The following TNPO3 variants were observed in gnomAD, a reference collection of about 807,000 sequenced individuals.
The protein encoded by TNPO3 is transportin-3.
Under a neutral mutation model 122.8 loss-of-function variants are expected in TNPO3, and 65 were observed. The ratio of observed to expected loss-of-function variants is 0.53; its 90% CI spans 0.43 to 0.65. TNPO3 has a LOEUF of 0.65. Ranked by LOEUF, TNPO3 falls within the 30% of genes least tolerant of loss-of-function variation. The pLI, the probability that TNPO3 is intolerant of heterozygous loss-of-function variation, is 0.00. For synonymous variants in TNPO3, 372 were observed against 411.2 expected, an observed-to-expected ratio of 0.90 and a Z score of 1.15; for missense variants, 850 against 1,136.7, an observed-to-expected ratio of 0.75 and a Z score of 3.63.
chr7:128,968,972 T>A (rs1220961499), intron 20 of TNPO3, among the ~76,000 whole-genome samples: 1 of 152,108 alleles, frequency 6.6e-6, no homozygotes, highest in Non-Finnish European at 1.5e-5. Flanking sequence ...GTGATCCTCC[T>A]GCCTTGGTCT....
In TNPO3 at chr7:128,972,567, G is replaced by C; in HGVS notation, c.2289C>G (p.Ser763Arg). The C allele has an allele frequency of 6.2e-7, 1 of 1,613,812 alleles. No individual in the cohort carries two copies. The highest frequency in any genetic ancestry group is 1.1e-5 in the South Asian group (1 of 91,036). ...FRLATRFIQR[S>R]PVTLLRSQVV... The stretch of plus-strand genomic sequence containing the variant: ...CTTGGCTCCGCAGCAAGGTGACAGG[G>C]CTACGCTGAATAAACCTGGTGTGGA... Residue 763 changes from serine to arginine, a missense_variant, in exon 19 of 23, where the codon AGC (serine) becomes AGG (arginine). Ser to Arg is a moderately radical substitution (Grantham distance 110). Transcript: ENST00000265388.
intron 1 of TNPO3, among the ~76,000 whole-genome samples, chr7:129,047,349 G>A (rs987989603): frequency 6.6e-6 from 1 of 152,148 alleles, no homozygotes; most frequent in Non-Finnish European, 1.5e-5. Flanking sequence ...ACTAATTTTG[G>A]TTAGTAGGGG....
In TNPO3 at chr7:128,972,337, A is replaced by T. The variant is rs921551239; in HGVS notation, c.2430+89T>A. On this transcript the variant is annotated intron_variant, in intron 19 of 22. Coordinates refer to ENST00000265388, the MANE Select transcript of TNPO3 (RefSeq NM_012470.4). The stretch of plus-strand genomic sequence containing the variant: ...CTACCAATATAGATCAAGTAAGGAA[A>T]TACTGGGATGCTGGTTTTCTCCTAA... The T allele has an allele frequency of 5.6e-6, 8 of 1,420,848 alleles. No individual in the cohort carries two copies. In the African/African-American group the frequency reaches 1.1e-4, roughly 20 times the overall value. The allele number at this position is 1,420,848 out of a possible 1,614,324, so 88.0% of individuals were successfully genotyped here.
At chr7:128,983,145 C>T (rs1246583884) in intron 13 of TNPO3, among the ~76,000 whole-genome samples, 3 of 152,030 alleles carry the variant, frequency 2.0e-5, no homozygotes, top group Non-Finnish European at 4.4e-5. Context: ...CCCTATCTTT[C>T]GGAGTTTAGG....
At chr7:128,976,021 G>A (rs1332131868) in intron 16 of TNPO3, 86 bp from the exon 17 acceptor site, 3 of 918,818 alleles carry the variant, frequency 3.3e-6, no homozygotes, top group African/African-American at 1.6e-5. Flanking sequence ...GAAATTCAGA[G>A]ATAGATTGGC....
intron 1 of TNPO3, among the ~76,000 whole-genome samples, chr7:129,053,780 A>G (rs1809109537): frequency 6.6e-6 from 1 of 152,218 alleles, no homozygotes; most frequent in Non-Finnish European, 1.5e-5. Flanking sequence ...AGTACATCCT[A>G]CATTAGAACC....
At chr7:128,994,844 G>A (rs1051486621) in intron 8 of TNPO3, among the ~76,000 whole-genome samples, 4 of 152,046 alleles carry the variant, frequency 2.6e-5, no homozygotes, top group Admixed American at 1.3e-4. Flanking sequence ...TTTTTGTAGA[G>A]TTAGGGTTTT....
At chr7:128,988,173 C>T (rs895698153) in intron 11 of TNPO3, among the ~76,000 whole-genome samples, 6 of 151,624 alleles carry the variant, frequency 4.0e-5, no homozygotes, top group Non-Finnish European at 8.8e-5. Context: ...GACGAGGTTT[C>T]GCCTGTTGGC....
chr7:128,965,061 G>A (rs775254848), intron 21 of TNPO3, among the ~76,000 whole-genome samples: 4 of 152,042 alleles, frequency 2.6e-5, no homozygotes, highest in Non-Finnish European at 2.9e-5. Context: ...ACACCAAACA[G>A]ACAACAAAAG....
At chr7:129,049,723 T>C (rs796506413) in intron 1 of TNPO3, among the ~76,000 whole-genome samples, 1 of 152,126 alleles carries the variant, frequency 6.6e-6, no homozygotes, top group East Asian at 1.9e-4. Flanking sequence ...CAGATATCAA[T>C]AGAACTGTGG....
At chr7:128,993,106 C>A (rs1376980560) in intron 9 of TNPO3, among the ~76,000 whole-genome samples, 1 of 147,402 alleles carries the variant, frequency 6.8e-6, no homozygotes. Flanking sequence ...CATATTACAC[C>A]CAAATATACA....
chr7:128,991,365 T>C (rs1247033019), intron 10 of TNPO3, among the ~76,000 whole-genome samples: 2 of 152,228 alleles, frequency 1.3e-5, no homozygotes, highest in East Asian at 3.8e-4. Context: ...TGACTGCAGG[T>C]ATCAGGTCAC....
chr7:128,968,140 A>G (rs1413259016), intron 20 of TNPO3, among the ~76,000 whole-genome samples: 1 of 152,162 alleles, frequency 6.6e-6, no homozygotes, highest in African/African-American at 2.4e-5. Flanking sequence ...CAGGGGCAAA[A>G]AGTATACTAA....
At chr7:129,032,342 G>A (rs1430964375) in intron 1 of TNPO3, among the ~76,000 whole-genome samples, 4 of 152,146 alleles carry the variant, frequency 2.6e-5, no homozygotes, top group East Asian at 3.9e-4. Context: ...CATAGTGTTC[G>A]AAGTTCTAGC....
chr7:128,980,081 AG>A, intron 14 of TNPO3, 50 bp from the exon 15 acceptor site: 1 of 1,513,830 alleles, frequency 6.6e-7, no homozygotes, highest in Non-Finnish European at 9.2e-7. Flanking sequence ...AATTTCACTG[AG>A]GACCCAGAGC....
At chr7:129,011,727 G>C (rs189684675) in intron 4 of TNPO3, among the ~76,000 whole-genome samples, 9 of 152,238 alleles carry the variant, frequency 5.9e-5, no homozygotes, top group Admixed American at 5.9e-4. Flanking sequence ...AACTTGAAAA[G>C]GTAAGCAGAT....
chr7:129,054,870 G>A lies in TNPO3; in HGVS notation c.-100C>T, dbSNP rs1809302245. On this transcript the variant is annotated 5_prime_UTR_variant, in exon 1 of 23. Transcript: ENST00000265388. ...CTTCCTCACTGTCTGGGCCACGGCC[G>A]CTCCCTGACTGGCGCCATCTCCTCC... 5 of 1,514,564 alleles carry A rather than the reference G, an allele frequency of 3.3e-6. No homozygotes were observed. Among genetic ancestry groups the A allele is most frequent in the Admixed American group, 1.8e-5 (1 of 55,512 alleles). 93.8% of individuals were successfully genotyped at this position (1,514,564 alleles called of 1,614,324 possible).
At chr7:128,963,577 C>A (rs541471381) in intron 21 of TNPO3, among the ~76,000 whole-genome samples, 1 of 152,196 alleles carries the variant, frequency 6.6e-6, no homozygotes, top group South Asian at 2.1e-4. Context: ...GGGTCACATG[C>A]TATTTTTCAG....
chr7:129,011,967 A>G (rs1803250145), intron 4 of TNPO3, among the ~76,000 whole-genome samples: 2 of 150,684 alleles, frequency 1.3e-5, no homozygotes, highest in Non-Finnish European at 3.0e-5. Context: ...ACTTAAAAGA[A>G]TTATTTTTCA....
Sources: allele counts gnomAD v4.1 joint callset (sites outside exome capture counted in the v4.1 genomes callset), GRCh38; gene constraint gnomAD v4.1.1; transcripts MANE v1.5; gene names NCBI Gene and HGNC (gene_info 2026-07-23, HGNC 2026-07-21).